MAPRE1: variants seen among roughly 807,000 people sequenced by gnomAD.
MAPRE1 encodes the protein microtubule associated protein RP/EB family member 1, also known as microtubule-associated protein RP/EB family member 1.
MAPRE1 carries 5 observed loss-of-function variants against 32.1 expected under a neutral mutation model. The ratio of observed to expected loss-of-function variants is 0.16; its 90% confidence interval spans 0.08 to 0.33. The LOEUF is 0.33. MAPRE1 is among the 10% of genes least tolerant of loss of function. The probability of loss-of-function intolerance (pLI) is 1.00; values close to 1 mark genes in which losing one functional copy is unlikely to be tolerated. For missense variants in MAPRE1, 209 were observed against 327.2 expected (o/e 0.64, Z 2.79); for synonymous variants, 122 against 118.9 (o/e 1.03, Z -0.17).
chr20:32,837,660 G>C (rs1428530103), intron 4 of MAPRE1, among the ~76,000 whole-genome samples: 1 of 152,106 alleles, frequency 6.6e-6, no homozygotes, highest in East Asian at 1.9e-4. Context: ...TAGCTTAATG[G>C]AGAGACAATT....
At chr20:32,844,231 T>TA (rs1312412606) in intron 5 of MAPRE1, among the ~76,000 whole-genome samples, 2 of 152,038 alleles carry the variant, frequency 1.3e-5, no homozygotes, top group African/African-American at 2.4e-5. Context: ...TTAGTATATA[T>TA]TTTTTTAGTG....
At chr20:32,828,953 T>G (rs1982943099) in intron 2 of MAPRE1, among the ~76,000 whole-genome samples, 1 of 152,172 alleles carries the variant, frequency 6.6e-6, no homozygotes, top group South Asian at 2.1e-4. Context: ...TTTTTTTCTT[T>G]TTGAGACTGG....
At chr20:32,829,744 AGTG>A in intron 2 of MAPRE1, among the ~76,000 whole-genome samples, 1 of 152,342 alleles carries the variant, frequency 6.6e-6, no homozygotes, top group African/African-American at 2.4e-5. Flanking sequence ...TTTTGTCAGC[AGTG>A]GGCTCTCCTA....
intron 5 of MAPRE1, among the ~76,000 whole-genome samples, chr20:32,840,774 G>C (rs942927734): frequency 3.3e-5 from 5 of 152,166 alleles, no homozygotes; most frequent in Admixed American, 1.3e-4. Context: ...AAGAGATCAG[G>C]ACAGTGAGAA....
intron 2 of MAPRE1, among the ~76,000 whole-genome samples, chr20:32,828,751 A>G (rs1982937474): frequency 6.6e-6 from 1 of 152,212 alleles, no homozygotes; most frequent in Admixed American, 6.5e-5. Context: ...CAGCTTATGT[A>G]TTACAGAACC....
Position 32,836,688 on chromosome 20 carries a change from G to A in MAPRE1, c.322G>A (p.Val108Ile), listed in dbSNP as rs371042900. ...AAAGTTTCAGGACAATTTTGAATTC[G>A]TTCAGTGGTTCAAGAAGTTTTTCGA... ...KGKFQDNFEF[V>I]QWFKKFFDAN... Residue 108 changes from valine (V) to isoleucine (I), a missense_variant, in exon 4 of 7, where the codon GTT (valine) becomes ATT (isoleucine). Val to Ile is a conservative substitution (Grantham distance 29). Transcript: ENST00000375571. 14 of 1,613,198 alleles carry A rather than the reference G, an allele frequency of 8.7e-6. No individual in the cohort carries two copies. Among genetic ancestry groups the A allele is most frequent in the Middle Eastern group, 1.6e-4 (1 of 6,084 alleles).
At position 32,842,113 on chromosome 20, in the gene MAPRE1, TCTCA is replaced by T. The variant is rs559370339; in HGVS notation, c.597+2261_597+2264del. 1.7e-3 allele frequency among the ~76,000 whole-genome samples: 265 copies of T among 152,238 alleles called. 1 individual carries two copies. Among genetic ancestry groups the T allele is most frequent in the African/African-American group, 5.8e-3 (243 of 41,548 alleles). On this transcript the variant is annotated intron_variant, in intron 5 of 6. Transcript: ENST00000375571. ...TTATTTTTATTTTTTTGACACGGAATCTCACTCTGTCGCCCAGGCTGGAGTGCAG... is the reference window on the plus strand; with the variant it reads ...TTATTTTTATTTTTTTGACACGGAATCTCTGTCGCCCAGGCTGGAGTGCAG...
chr20:32,849,464 A>C lies in MAPRE1; in HGVS notation c.*736A>C, dbSNP rs1222860670. On this transcript the variant is annotated 3_prime_UTR_variant, in exon 7 of 7. Transcript: ENST00000375571. ...CTTGGTTTTCATTGAGCATTTCTCT[A>C]TTTTTCCAGTTATCCCCGAAATTTC... 1 of 152,044 alleles carries C rather than the reference A, an allele frequency of 6.6e-6. No homozygotes were observed. The allele number at this position is 152,044 out of a possible 1,614,324, so 9.4% of individuals were successfully genotyped here. A position where few individuals can be genotyped will look rare whatever the true frequency, so the allele number is the denominator to read the frequency against.
chr20:32,831,952 A>G (rs924951210), intron 2 of MAPRE1, among the ~76,000 whole-genome samples: 3 of 151,694 alleles, frequency 2.0e-5, no homozygotes, highest in Admixed American at 2.0e-4. Context: ...CGTTTCAAAA[A>G]AAAAAAAAAA....
Position 32,819,957 on chromosome 20 carries a change from T to C in MAPRE1, c.-75T>C, listed in dbSNP as rs1037364498. 1 of 150,502 alleles carries C rather than the reference T, an allele frequency of 6.6e-6. No individual in the cohort carries two copies. Among genetic ancestry groups the C allele is most frequent in the Non-Finnish European group, 1.5e-5 (1 of 67,638 alleles). The allele number at this position is 150,502 out of a possible 1,614,324, so 9.3% of individuals were successfully genotyped here. A position where few individuals can be genotyped will look rare whatever the true frequency, so the allele number is the denominator to read the frequency against. On this transcript the variant is annotated 5_prime_UTR_variant, in exon 1 of 7. Transcript: ENST00000375571. ...ATCGCGCGGGCGGGCGGGCGGGGTC[T>C]GGCGGTTTGAACGAGACGAAGACGG...
chr20:32,834,553 T>G (rs34990251), intron 3 of MAPRE1, among the ~76,000 whole-genome samples: 1,839 of 152,328 alleles, frequency 0.012, 17 homozygotes, highest in Non-Finnish European at 0.019. Flanking sequence ...ATAACTTTTT[T>G]TTTTTATGGC....
chr20:32,821,294 GT>G (rs1905857834), intron 1 of MAPRE1, among the ~76,000 whole-genome samples: 2 of 152,326 alleles, frequency 1.3e-5, no homozygotes, highest in African/African-American at 4.8e-5. Context: ...GGGATTACAG[GT>G]GTGAGCCACC....
In MAPRE1 at chr20:32,833,702, C is replaced by T. The variant is rs773261347; in HGVS notation, c.122-15C>T. ...CTTCTTTAATTGTATTTTTCTGTTG[C>T]CGTTGTTCTTTCAGGGGCTGCGTAT... On this transcript the variant is annotated splice_polypyrimidine_tract_variant and intron_variant, in intron 2 of 6. Coordinates refer to ENST00000375571, the MANE Select transcript of MAPRE1 (RefSeq NM_012325.3). The T allele has an allele frequency of 1.2e-6, 2 of 1,601,144 alleles. No individual in the cohort carries two copies. Among genetic ancestry groups the T allele is most frequent in the Middle Eastern group, 2.1e-4 (1 of 4,790 alleles).
chr20:32,845,366 A>G (rs1359105801), intron 5 of MAPRE1, among the ~76,000 whole-genome samples: 1 of 152,092 alleles, frequency 6.6e-6, no homozygotes, highest in Non-Finnish European at 1.5e-5. Flanking sequence ...TGAAACTTTC[A>G]ATTATTTTTT....
At chr20:32,836,450 G>A (rs1983204701) in intron 3 of MAPRE1, among the ~76,000 whole-genome samples, 184 bp from the exon 4 acceptor site, 1 of 152,194 alleles carries the variant, frequency 6.6e-6, no homozygotes, top group South Asian at 2.1e-4. Flanking sequence ...GGGTTGGGAA[G>A]TGTAGGTACT....
intron 1 of MAPRE1, among the ~76,000 whole-genome samples, chr20:32,820,453 G>A (rs1425913350): frequency 6.6e-6 from 1 of 152,152 alleles, no homozygotes; most frequent in Non-Finnish European, 1.5e-5. Context: ...TCAGACCTGG[G>A]TTGGGTTCCG....
At chr20:32,842,462 T>C (rs1329132678) in intron 5 of MAPRE1, among the ~76,000 whole-genome samples, 4 of 152,128 alleles carry the variant, frequency 2.6e-5, no homozygotes, top group Non-Finnish European at 5.9e-5. Flanking sequence ...CCCTGTGAGG[T>C]TTTACACATA....
At chr20:32,835,681 C>G (rs924398166) in intron 3 of MAPRE1, among the ~76,000 whole-genome samples, 4 of 151,764 alleles carry the variant, frequency 2.6e-5, no homozygotes, top group African/African-American at 9.7e-5. Flanking sequence ...TCTCAGCTCA[C>G]TGCAACCTCC....
chr20:32,831,441 C>T (rs1331734368), intron 2 of MAPRE1, among the ~76,000 whole-genome samples: 2 of 150,202 alleles, frequency 1.3e-5, no homozygotes, highest in Non-Finnish European at 3.0e-5. Context: ...TTTTGGTAAC[C>T]AGTTTCATGC....
Sources: allele counts gnomAD v4.1 joint callset (sites outside exome capture counted in the v4.1 genomes callset), GRCh38; gene constraint gnomAD v4.1.1; transcripts MANE v1.5; gene names NCBI Gene and HGNC (gene_info 2026-07-23, HGNC 2026-07-21).